The following PCDH15 variants were observed in gnomAD, a reference collection of about 807,000 sequenced individuals.
PCDH15 encodes protocadherin-15.
Under a neutral mutation model 178.5 loss-of-function variants are expected in PCDH15, and 129 were observed. The observed-to-expected ratio is 0.72, with a 90% confidence interval of 0.63 to 0.84. The LOEUF (loss-of-function observed/expected upper bound fraction) is 0.84, where lower values mean the gene tolerates loss of function less well. Among genes scored for constraint, PCDH15 ranks in the 40% least tolerant of loss-of-function variants. PCDH15 has a pLI of 0.00. For missense variants in PCDH15, 2,230 were observed against 2,099.9 expected, an observed-to-expected ratio of 1.06 and a Z score of -1.21; for synonymous variants, 800 against 732.0, an observed-to-expected ratio of 1.09 and a Z score of -1.50.
intron 2 of PCDH15, among the ~76,000 whole-genome samples, chr10:55,073,028 G>C (rs1841793314): frequency 2.0e-5 from 3 of 152,086 alleles, no homozygotes; most frequent in Non-Finnish European, 4.4e-5. Context: ...TGCAGAAAAG[G>C]CCTTTGACAA....
chr10:54,774,173 C>T (rs1263072350), intron 1 of PCDH15, among the ~76,000 whole-genome samples: 1 of 151,718 alleles, frequency 6.6e-6, no homozygotes, highest in Non-Finnish European at 1.5e-5. Flanking sequence ...GGACCACAGG[C>T]GCCTGCCACC....
At chr10:54,876,739 G>A (rs1188484903) in intron 3 of PCDH15, among the ~76,000 whole-genome samples, 2 of 152,172 alleles carry the variant, frequency 1.3e-5, no homozygotes, top group Admixed American at 6.6e-5. Context: ...CAGATGACGA[G>A]TTGCTTCTAA....
At chr10:55,422,678 G>T (rs1033289379) in intron 2 of PCDH15, among the ~76,000 whole-genome samples, 1 of 151,784 alleles carries the variant, frequency 6.6e-6, no homozygotes, top group Non-Finnish European at 1.5e-5. Flanking sequence ...TTCAGGTTTT[G>T]TTAGGAACAA....
intron 5 of PCDH15, among the ~76,000 whole-genome samples, chr10:54,367,386 C>G (rs1054589313): frequency 6.6e-6 from 1 of 151,966 alleles, no homozygotes; most frequent in African/African-American, 2.4e-5. Context: ...TAACAAGACA[C>G]TGAAAAGATT....
intron 3 of PCDH15, among the ~76,000 whole-genome samples, chr10:54,457,392 C>G (rs1217339025): frequency 6.6e-6 from 1 of 152,120 alleles, no homozygotes; most frequent in Non-Finnish European, 1.5e-5. Context: ...ATGTCCTATT[C>G]TTTCTAGTAC....
At chr10:54,325,385 C>T (rs1169635989) in intron 7 of PCDH15, among the ~76,000 whole-genome samples, 1 of 152,044 alleles carries the variant, frequency 6.6e-6, no homozygotes, top group Non-Finnish European at 1.5e-5. Context: ...CTTAATTCTC[C>T]TTATGACTTC....
At chr10:55,051,332 ATAAT>A (rs893879886) in intron 2 of PCDH15, among the ~76,000 whole-genome samples, 2 of 152,154 alleles carry the variant, frequency 1.3e-5, no homozygotes, top group African/African-American at 4.8e-5. Flanking sequence ...TTAAAGTCAG[ATAAT>A]TAGATTCATG....
At chr10:54,965,447 T>G (rs1192455601) in intron 2 of PCDH15, among the ~76,000 whole-genome samples, 5 of 152,030 alleles carry the variant, frequency 3.3e-5, no homozygotes, top group Non-Finnish European at 1.5e-5. Flanking sequence ...AGACGCGTCT[T>G]TGCTCCTCCT....
intron 2 of PCDH15, among the ~76,000 whole-genome samples, chr10:55,397,006 A>G (rs1290262530): frequency 6.6e-6 from 1 of 152,208 alleles, no homozygotes. Context: ...AGAATGTTTC[A>G]GTATTGTGGG....
intron 2 of PCDH15, among the ~76,000 whole-genome samples, chr10:55,374,985 A>G (rs180791033): frequency 6.6e-6 from 1 of 152,284 alleles, no homozygotes; most frequent in East Asian, 1.9e-4. Flanking sequence ...TATGAGATCT[A>G]CACTTCAGTT....
intron 2 of PCDH15, among the ~76,000 whole-genome samples, chr10:55,373,077 A>G (rs1202496143): frequency 1.3e-5 from 2 of 152,136 alleles, no homozygotes; most frequent in Non-Finnish European, 2.9e-5. Context: ...GCAAGAACCA[A>G]AGCCATAGAG....
At chr10:54,685,850 G>A (rs533203945) in intron 1 of PCDH15, among the ~76,000 whole-genome samples, 24 of 152,124 alleles carry the variant, frequency 1.6e-4, no homozygotes, top group African/African-American at 4.8e-4. Context: ...CTGCACTGAA[G>A]TAAAGTTTCC....
intron 1 of PCDH15, among the ~76,000 whole-genome samples, chr10:54,664,815 G>C (rs181230747): frequency 6.6e-6 from 1 of 151,172 alleles, no homozygotes; most frequent in Admixed American, 6.6e-5. Context: ...AAAGACTAAG[G>C]AAAATCTGTC....
chr10:55,367,180 TA>T lies in PCDH15; in HGVS notation c.-155-200530del, dbSNP rs371913555. Reference sequence around the variant, plus strand: ...TTTGGAGCTTTTATAGTCTTACCTTTAAAAAAATGCATGAATAGTTTCCACT... The same window carrying T: ...TTTGGAGCTTTTATAGTCTTACCTTTAAAAAATGCATGAATAGTTTCCACT... On this transcript the variant is annotated intron_variant, in intron 2 of 5. Transcript: ENST00000613346. Among the ~76,000 whole-genome samples the T allele has an allele frequency of 1.1e-4, 16 of 152,068 alleles. No homozygotes were observed. In the East Asian group the frequency reaches 1.9e-3, roughly 18 times the overall value.
At chr10:54,785,690 G>T (rs1479460814) in intron 1 of PCDH15, among the ~76,000 whole-genome samples, 2 of 151,922 alleles carry the variant, frequency 1.3e-5, no homozygotes, top group Admixed American at 1.3e-4. Context: ...GTAAACTTAG[G>T]CTGAGACAAG....
intron 2 of PCDH15, among the ~76,000 whole-genome samples, chr10:55,134,968 C>G (rs920229696): frequency 6.6e-5 from 10 of 152,048 alleles, no homozygotes; most frequent in Non-Finnish European, 1.2e-4. Flanking sequence ...AAATGAGCTT[C>G]AACATAACAT....
At chr10:54,925,382 C>T (rs892347870) in intron 2 of PCDH15, among the ~76,000 whole-genome samples, 1 of 151,872 alleles carries the variant, frequency 6.6e-6, no homozygotes, top group Non-Finnish European at 1.5e-5. Context: ...TAGTATAATG[C>T]CTCCAAATTT....
rs3847442 is a variant in PCDH15 at position 54,824,781 on chromosome 10, A to C, written c.-29+72669T>G. Among the ~76,000 whole-genome samples the C allele has an allele frequency of 2.2e-3, 339 of 152,278 alleles. 2 individuals carry two copies. Among genetic ancestry groups the C allele is most frequent in the African/African-American group, 6.5e-3 (271 of 41,562 alleles). Reference sequence around the variant, plus strand: ...GGGAGGAAATAGACAGATGGAAATAATACCACCACTTTTACCCTCAAGATG... The same window carrying C: ...GGGAGGAAATAGACAGATGGAAATACTACCACCACTTTTACCCTCAAGATG... On this transcript the variant is annotated intron_variant, in intron 3 of 5. Transcript: ENST00000458638.
intron 3 of PCDH15, among the ~76,000 whole-genome samples, chr10:54,501,924 G>C (rs1237787067): frequency 6.6e-6 from 1 of 151,960 alleles, no homozygotes; most frequent in Non-Finnish European, 1.5e-5. Context: ...ATATCCATCT[G>C]TAATTATAAA....
Sources: allele counts gnomAD v4.1 joint callset (sites outside exome capture counted in the v4.1 genomes callset), GRCh38; gene constraint gnomAD v4.1.1; transcripts MANE v1.5; gene names NCBI Gene and HGNC (gene_info 2026-07-23, HGNC 2026-07-21).